Variants in POMGNT1 observed in about 807,000 individuals in gnomAD.
POMGNT1 encodes protein O-linked-mannose beta-1,2-N-acetylglucosaminyltransferase 1.
In POMGNT1, 67 loss-of-function variants were observed where a neutral mutation model predicts 95.6. That is an observed-to-expected ratio of 0.70 (90% CI 0.58 to 0.86). The LOEUF is 0.86. POMGNT1 is among the 40% of genes least tolerant of loss of function. POMGNT1 has a pLI of 0.00. For missense variants in POMGNT1, 719 were observed against 855.2 expected (o/e 0.84, Z 1.99); for synonymous variants, 298 against 317.9 (o/e 0.94, Z 0.66).
chr1:46,188,726 G>A lies in POMGNT1; in HGVS notation c.*544C>T, dbSNP rs548382504. On this transcript the variant is annotated 3_prime_UTR_variant, in exon 22 of 22. Transcript: ENST00000371984. ...TTTTAATCAATGACCAACTTATCCA[G>A]CTTTGGAAATCTGGACAAAGAGAAG... The A allele has an allele frequency of 5.8e-5, 93 of 1,605,194 alleles. 1 individual carries two copies. In the South Asian group the frequency reaches 9.9e-4, roughly 17 times the overall value.
intron 19 of POMGNT1, 155 bp from the exon 20 acceptor site, chr1:46,190,144 G>T: frequency 1.1e-6 from 1 of 949,138 alleles, no homozygotes; most frequent in Non-Finnish European, 1.5e-6. Context: ...TGTCGCCCAG[G>T]CTGGAGTCTC....
In POMGNT1 at chr1:46,193,238, G is replaced by A. The variant is rs2292486; in HGVS notation, c.1111-23C>T. Reference sequence around the variant, plus strand: ...GTGCTGGGAGTGGGGTGGGAATAGGGCACATGAGCTTTAGGGTAGAAGGCA... The same window carrying A: ...GTGCTGGGAGTGGGGTGGGAATAGGACACATGAGCTTTAGGGTAGAAGGCA... On this transcript the variant is annotated intron_variant, in intron 12 of 21. Coordinates refer to ENST00000371984, the MANE Select transcript of POMGNT1 (RefSeq NM_017739.4). 60,413 of 1,614,048 alleles carry A rather than the reference G, an allele frequency of 0.037. 5,491 individuals carry two copies. Among genetic ancestry groups the A allele is most frequent in the East Asian group, 0.37 (16,375 of 44,828 alleles).
In POMGNT1 at chr1:46,192,290, C is replaced by T; in HGVS notation, c.1413+18G>A. On this transcript the variant is annotated intron_variant, in intron 16 of 21. Transcript: ENST00000371984. Reference sequence around the variant, plus strand: ...TTGGTAGGGGACTCCAGCCCCCTCACCCTACCCTGACAGTTACCTTTTCCG... The same window carrying T: ...TTGGTAGGGGACTCCAGCCCCCTCATCCTACCCTGACAGTTACCTTTTCCG... 1.2e-6 allele frequency: 2 copies of T among 1,614,180 alleles called. No homozygotes were observed. Among genetic ancestry groups the T allele is most frequent in the Middle Eastern group, 3.3e-4 (2 of 6,062 alleles).
In POMGNT1 at chr1:46,189,162, G is replaced by T; in HGVS notation, c.*108C>A. ...TAATTAAGTCTCATGTTAAAAACAA[G>T]GTAGCCCCAGCCCCTACCAGCATCT... On this transcript the variant is annotated 3_prime_UTR_variant, in exon 22 of 22. Coordinates refer to ENST00000371984, the MANE Select transcript of POMGNT1 (RefSeq NM_017739.4). 6.6e-7 allele frequency: 1 copy of T among 1,512,404 alleles called. No individual in the cohort carries two copies. The highest frequency in any genetic ancestry group is 1.4e-5 in the South Asian group (1 of 73,824). 93.7% of individuals were successfully genotyped at this position (1,512,404 alleles called of 1,614,324 possible). A position where few individuals can be genotyped will look rare whatever the true frequency, so the allele number is the denominator to read the frequency against.
At chr1:46,200,295 TG>T (rs1325664712), upstream of POMGNT1, among the ~76,000 whole-genome samples, 6 of 152,244 alleles carry the variant, frequency 3.9e-5, no homozygotes, top group African/African-American at 1.4e-4. Flanking sequence ...CCAATCTAGA[TG>T]CCCAAACTGA....
rs148007220 is a variant in POMGNT1 at position 46,205,247 on chromosome 1, A to G, written c.-50-7376T>C. 2.0e-5 allele frequency among the ~76,000 whole-genome samples: 3 copies of G among 152,100 alleles called. No homozygotes were observed. In the East Asian group the frequency reaches 5.8e-4, roughly 29 times the overall value. On this transcript the variant is annotated intron_variant, in intron 1 of 22. Transcript: ENST00000371992. ...CACTCCAGCCTGGGTGACAGAGCTC[A>G]GAGCTAGACCCTGTCTCAAAAAAAG...
upstream of POMGNT1, among the ~76,000 whole-genome samples, chr1:46,200,921 G>C (rs567278809): frequency 6.6e-6 from 1 of 152,308 alleles, no homozygotes; most frequent in South Asian, 2.1e-4. Context: ...TGGATCACCT[G>C]AGGCGGATGG....
chr1:46,201,367 C>T (rs979725069), upstream of POMGNT1, among the ~76,000 whole-genome samples: 2 of 151,596 alleles, frequency 1.3e-5, no homozygotes, highest in Admixed American at 1.3e-4. Flanking sequence ...AAGTTAATTA[C>T]AAAGGTAACC....
At chr1:46,213,846 A>C (rs1419900499) in intron 1 of POMGNT1, among the ~76,000 whole-genome samples, 1 of 151,982 alleles carries the variant, frequency 6.6e-6, no homozygotes, top group East Asian at 1.9e-4. Flanking sequence ...TATGGGGAAT[A>C]TGATTAACTC....
chr1:46,192,013 A>C (rs751573624), intron 17 of POMGNT1, 85 bp downstream of exon 17: 1 of 1,498,522 alleles, frequency 6.7e-7, no homozygotes, highest in Admixed American at 1.9e-5. Flanking sequence ...GCTAGCAAGT[A>C]GCAGAGCTAA....
intron 6 of POMGNT1, 114 bp downstream of exon 6, chr1:46,195,697 T>G: frequency 1.0e-6 from 1 of 982,734 alleles, no homozygotes; most frequent in Non-Finnish European, 1.6e-6. Flanking sequence ...GGAACCTGAG[T>G]AACCTTCCTT....
In POMGNT1 at chr1:46,214,953, G is replaced by C. The variant is rs553393610; in HGVS notation, c.-51+4752C>G. On this transcript the variant is annotated intron_variant, in intron 1 of 22. Transcript: ENST00000371992. ...AGTATAGAAATAGATGTGACTGGGTGCTGTGGCTCACGCCTGTAATCCCAG... is the reference window on the plus strand; with the variant it reads ...AGTATAGAAATAGATGTGACTGGGTCCTGTGGCTCACGCCTGTAATCCCAG... Among the ~76,000 whole-genome samples, 4 of 151,718 alleles carry C rather than the reference G, an allele frequency of 2.6e-5. No homozygotes were observed. In the East Asian group the frequency reaches 5.8e-4, roughly 22 times the overall value.
chr1:46,201,345 A>AG (rs1190630598), upstream of POMGNT1, among the ~76,000 whole-genome samples: 1 of 151,550 alleles, frequency 6.6e-6, no homozygotes, highest in Non-Finnish European at 1.5e-5. Flanking sequence ...GACTCTATCT[A>AG]AATTTTAAAA....
intron 19 of POMGNT1, 65 bp downstream of exon 19, chr1:46,190,408 G>A (rs1260773717): frequency 5.3e-6 from 8 of 1,517,274 alleles, no homozygotes; most frequent in African/African-American, 1.4e-5. Context: ...TGTAAATTAT[G>A]GGGCCAAGAT....
In POMGNT1 at chr1:46,216,297, C is replaced by T. The variant is rs377663980; in HGVS notation, c.-51+3408G>A. 1.5e-4 allele frequency among the ~76,000 whole-genome samples: 23 copies of T among 152,064 alleles called. No homozygotes were observed. In the East Asian group the frequency reaches 2.5e-3, roughly 17 times the overall value. The stretch of plus-strand genomic sequence containing the variant: ...TCCTGACCTCGTGATCCACCCGCCT[C>T]GGCCTCCCAAAGTGCTGGGATTACA... On this transcript the variant is annotated intron_variant, in intron 1 of 22. Transcript: ENST00000371992.
intron 1 of POMGNT1, among the ~76,000 whole-genome samples, chr1:46,207,505 A>G (rs1282824175): frequency 6.6e-6 from 1 of 151,290 alleles, no homozygotes; most frequent in East Asian, 1.9e-4. Context: ...TGTTTCCACT[A>G]GCGTTTGCCA....
chr1:46,192,995 T>A (rs755798327), intron 13 of POMGNT1, 37 bp from the exon 14 acceptor site: 3 of 1,612,514 alleles, frequency 1.9e-6, no homozygotes, highest in East Asian at 2.2e-5. Flanking sequence ...CCCAAAGGGG[T>A]CTCTCCATCC....
chr1:46,199,874 C>G (rs1479214137), upstream of POMGNT1, among the ~76,000 whole-genome samples: 1 of 152,130 alleles, frequency 6.6e-6, no homozygotes, highest in Non-Finnish European at 1.5e-5. Context: ...CATTTTATTA[C>G]ATTTGAAAAG....
At chr1:46,192,751 C>T (rs1571656380) in intron 14 of POMGNT1, 149 bp downstream of exon 14, 5 of 1,582,188 alleles carry the variant, frequency 3.2e-6, no homozygotes, top group East Asian at 2.2e-5. Flanking sequence ...GTACCTTCAA[C>T]AGCAGCCCCA....
Sources: gnomAD v4.1 joint callset for allele counts (sites outside exome capture counted in the v4.1 genomes callset) on GRCh38, gnomAD v4.1.1 for gene constraint, MANE v1.5 for transcripts, NCBI Gene and HGNC (gene_info 2026-07-23, HGNC 2026-07-21) for gene names.